Variants in TBC1D22A observed in about 807,000 individuals in gnomAD.
TBC1D22A encodes putative GTPase activator.
A neutral mutation model predicts 60.2 loss-of-function variants in TBC1D22A; 38 were observed. The observed-to-expected ratio is 0.63, with a 90% CI of 0.49 to 0.83. The LOEUF (loss-of-function observed/expected upper bound fraction) is 0.83. Ranked by LOEUF, TBC1D22A falls within the 40% of genes least tolerant of loss-of-function variation. The pLI is 0.00. For missense variants in TBC1D22A, 628 were observed against 701.0 expected (o/e 0.90, Z 1.18); for synonymous variants, 302 against 281.7 (o/e 1.07, Z -0.72).
intron 10 of TBC1D22A, among the ~76,000 whole-genome samples, chr22:47,026,231 C>A (rs1296912835): frequency 6.6e-6 from 1 of 152,144 alleles, no homozygotes; most frequent in Non-Finnish European, 1.5e-5. Context: ...ACTTTTGAAG[C>A]TGGATAAAGA....
chr22:47,159,944 A>G (rs546361306), intron 12 of TBC1D22A, among the ~76,000 whole-genome samples: 1 of 152,034 alleles, frequency 6.6e-6, no homozygotes, highest in African/African-American at 2.4e-5. Flanking sequence ...TGCACATCAC[A>G]AAACTACACA....
chr22:46,960,458 C>T (rs532820982), intron 8 of TBC1D22A, among the ~76,000 whole-genome samples: 288 of 152,206 alleles, frequency 1.9e-3, no homozygotes, highest in African/African-American at 6.5e-3. Context: ...GACGGGTTTT[C>T]GCCATGTTGG....
rs892517382 is a variant in TBC1D22A at position 46,990,401 on chromosome 22, C to T, written c.1126-7233C>T. Reference sequence around the variant, plus strand: ...AAAATTGAGCAGGAGGTTAGAGAGGCCCCATGTGCTCCTCAGCGTCCTCCT... The same window carrying T: ...AAAATTGAGCAGGAGGTTAGAGAGGTCCCATGTGCTCCTCAGCGTCCTCCT... On this transcript the variant is annotated intron_variant, in intron 9 of 12. Transcript: ENST00000337137. This position sits in a 1 kb window ranked among gnomAD's most constrained non-coding sequence, Gnocchi z 4.6. Among the ~76,000 whole-genome samples the T allele has an allele frequency of 1.3e-5, 2 of 152,044 alleles. No individual in the cohort carries two copies. The highest frequency in any genetic ancestry group is 4.8e-5 in the African/African-American group (2 of 41,380).
At chr22:47,140,309 C>T (rs59316737) in intron 12 of TBC1D22A, among the ~76,000 whole-genome samples, 4,260 of 151,948 alleles carry the variant, frequency 0.028, 186 homozygotes, top group African/African-American at 0.097. Context: ...TGGTGGCTCA[C>T]GCCTGTAATC....
At chr22:47,065,750 G>A (rs937145876) in intron 11 of TBC1D22A, among the ~76,000 whole-genome samples, 3 of 139,090 alleles carry the variant, frequency 2.2e-5, no homozygotes, top group Admixed American at 7.7e-5. Context: ...TTTTAGTGTT[G>A]TGTTTTGTTT....
In TBC1D22A at chr22:47,144,682, C is replaced by T. The variant is rs577767470; in HGVS notation, c.1426-28816C>T. Among the ~76,000 whole-genome samples, 39 of 152,168 alleles carry T rather than the reference C, an allele frequency of 2.6e-4. No homozygotes were observed. In the East Asian group the frequency reaches 4.7e-3, roughly 18 times the overall value. On this transcript the variant is annotated intron_variant, in intron 12 of 12. Coordinates refer to ENST00000337137, the MANE Select transcript of TBC1D22A (RefSeq NM_014346.5). ...CTGGCGGGACTTCACGGGTGCAGCCCGTGAAGGTGCCTGCTGGCTGAGATC... is the reference window on the plus strand; with the variant it reads ...CTGGCGGGACTTCACGGGTGCAGCCTGTGAAGGTGCCTGCTGGCTGAGATC...
chr22:46,966,556 C>T (rs1368042607), intron 8 of TBC1D22A, among the ~76,000 whole-genome samples: 7 of 152,206 alleles, frequency 4.6e-5, no homozygotes, highest in Non-Finnish European at 8.8e-5. Context: ...CTACTCACAG[C>T]ATTATTGAAA....
At chr22:47,002,899 C>T (rs986292717) in intron 10 of TBC1D22A, among the ~76,000 whole-genome samples, 3 of 152,204 alleles carry the variant, frequency 2.0e-5, no homozygotes, top group Non-Finnish European at 2.9e-5. Context: ...CAAGGAGCAG[C>T]AGCCCAGAGG....
rs192438133 is a variant in TBC1D22A, at chr22:46,983,726, C to A, written c.1125+9327C>A. 3.8e-3 allele frequency among the ~76,000 whole-genome samples: 527 copies of A among 139,816 alleles called. 6 individuals are homozygous for A. The Middle Eastern group carries it at 0.047, about 13-fold the overall frequency. The allele number at this position is 139,816 out of a possible 152,430, so 91.7% of individuals were successfully genotyped here. On this transcript the variant is annotated intron_variant, in intron 9 of 12. Transcript: ENST00000337137. ...TTTTTTTTTATATTTTATTTTTTTT[C>A]TACCAAGTGCACTATGAAGGTTCCA... is the stretch of plus-strand genomic sequence containing the variant.
At chr22:46,830,827 T>C (rs1569102469) in intron 4 of TBC1D22A, among the ~76,000 whole-genome samples, 1 of 152,168 alleles carries the variant, frequency 6.6e-6, no homozygotes, top group East Asian at 1.9e-4. Context: ...AGGGTCAGCG[T>C]AGGTGGGAAA....
chr22:46,838,241 A>T (rs978660690), intron 4 of TBC1D22A, among the ~76,000 whole-genome samples: 1 of 152,226 alleles, frequency 6.6e-6, no homozygotes, highest in Non-Finnish European at 1.5e-5. Context: ...TTGGTTTTTT[A>T]AGGAGATAAA....
At chr22:46,963,549 A>G (rs2073649219) in intron 8 of TBC1D22A, among the ~76,000 whole-genome samples, 1 of 152,234 alleles carries the variant, frequency 6.6e-6, no homozygotes, top group South Asian at 2.1e-4. Flanking sequence ...GAAAGTAGAA[A>G]CCTTGGCAAG....
Position 46,796,173 on chromosome 22 carries a change from C to T in TBC1D22A, c.461-1271C>T, listed in dbSNP as rs543061191. 8.6e-5 allele frequency among the ~76,000 whole-genome samples: 13 copies of T among 150,858 alleles called. No individual in the cohort carries two copies. In the East Asian group the frequency reaches 2.0e-3, roughly 23 times the overall value. ...GGGGGGAGTCAGGGAGAGTGGGCAG[C>T]GGGGATGGGGGAGGAGACAGGGCGG... is the stretch of plus-strand genomic sequence containing the variant. On this transcript the variant is annotated intron_variant, in intron 3 of 12. Transcript: ENST00000337137.
At chr22:46,981,491 C>T (rs906390736) in intron 9 of TBC1D22A, among the ~76,000 whole-genome samples, 3 of 152,202 alleles carry the variant, frequency 2.0e-5, no homozygotes, top group African/African-American at 7.2e-5. Context: ...TAATCCCCCA[C>T]ATGTCAAGGC....
chr22:46,775,145 C>A (rs1199438670), intron 1 of TBC1D22A, among the ~76,000 whole-genome samples: 1 of 152,198 alleles, frequency 6.6e-6, no homozygotes, highest in Non-Finnish European at 1.5e-5. Flanking sequence ...GGGCAGAGGA[C>A]CCGGTCTTGG....
intron 5 of TBC1D22A, among the ~76,000 whole-genome samples, chr22:46,881,484 C>A (rs544631331): frequency 2.6e-5 from 4 of 152,216 alleles, no homozygotes; most frequent in African/African-American, 4.8e-5. Context: ...TGCACTGCTG[C>A]CCTGTGTCTG....
intron 7 of TBC1D22A, among the ~76,000 whole-genome samples, chr22:46,898,008 C>T (rs1053504684): frequency 2.6e-5 from 4 of 152,152 alleles, no homozygotes; most frequent in African/African-American, 7.2e-5. Flanking sequence ...TGAGACACTT[C>T]TCTTTGATTG....
intron 4 of TBC1D22A, among the ~76,000 whole-genome samples, chr22:46,864,148 AC>A (rs138390891): frequency 1.2e-4 from 18 of 152,158 alleles, no homozygotes; most frequent in African/African-American, 4.3e-4. Flanking sequence ...ACATACACAC[AC>A]CCCAACTTTC....
At chr22:46,953,662 G>A (rs1272174363) in intron 8 of TBC1D22A, among the ~76,000 whole-genome samples, 1 of 152,120 alleles carries the variant, frequency 6.6e-6, no homozygotes, top group Non-Finnish European at 1.5e-5. Context: ...TTTATTCCCA[G>A]TCCTTTAACA....
Sources: allele counts gnomAD v4.1 joint callset (sites outside exome capture counted in the v4.1 genomes callset), GRCh38; gene constraint gnomAD v4.1.1; non-coding constraint Gnocchi (gnomAD v3.1); transcripts MANE v1.5; gene names NCBI Gene and HGNC (gene_info 2026-07-23, HGNC 2026-07-21).